Variants in ANKS1B observed in about 807,000 individuals in gnomAD.
ANKS1B encodes ankyrin repeat and sterile alpha motif domain-containing protein 1B.
In ANKS1B, 36 loss-of-function variants were observed where a neutral mutation model predicts 148.3. The ratio of observed to expected loss-of-function variants is 0.24; its 90% CI spans 0.19 to 0.32. ANKS1B has a LOEUF of 0.32. Ranked by LOEUF, ANKS1B falls within the 10% of genes least tolerant of loss-of-function variation. The pLI, the probability that ANKS1B is intolerant of heterozygous loss-of-function variation, is 1.00. For missense variants in ANKS1B, 1,157 were observed against 1,542.6 expected (o/e 0.75, Z 4.19); for synonymous variants, 542 against 560.8 (o/e 0.97, Z 0.47).
intron 12 of ANKS1B, among the ~76,000 whole-genome samples, chr12:99,354,526 AACAG>A (rs1340019486): frequency 6.6e-6 from 1 of 152,072 alleles, no homozygotes; most frequent in Non-Finnish European, 1.5e-5. Flanking sequence ...TCTCACATAT[AACAG>A]ACACTCACTA....
chr12:99,782,229 A>T, intron 4 of ANKS1B, 132 bp from the exon 5 acceptor site: 1 of 723,282 alleles, frequency 1.4e-6, no homozygotes, highest in South Asian at 1.9e-5. Context: ...CAGAAAGGTC[A>T]TGTGGAATAA....
chr12:99,100,441 G>A (rs901983384), intron 15 of ANKS1B, among the ~76,000 whole-genome samples: 2 of 152,324 alleles, frequency 1.3e-5, no homozygotes, highest in Admixed American at 1.3e-4. Context: ...GAATTCAAAA[G>A]TGATTGAGGC....
Position 99,159,953 on chromosome 12 carries a change from G to C in ANKS1B, c.2420-5558C>G, listed in dbSNP as rs1344078522. On this transcript the variant is annotated intron_variant, in intron 14 of 26. Transcript: ENST00000683438. ...AGAAATGGTATCTCATTGTGGTTTT[G>C]ATTTGCACTTCTCCGATGATCAGTG... 3.3e-5 allele frequency among the ~76,000 whole-genome samples: 5 copies of C among 152,168 alleles called. No homozygotes were observed. The South Asian group carries it at 1.0e-3, about 32-fold the overall frequency.
intron 1 of ANKS1B, among the ~76,000 whole-genome samples, chr12:99,846,155 TAC>T (rs1358988900): frequency 6.6e-6 from 1 of 152,144 alleles, no homozygotes; most frequent in Non-Finnish European, 1.5e-5. Context: ...GGCCTATAGC[TAC>T]AGTTTGCTTT....
intron 9 of ANKS1B, among the ~76,000 whole-genome samples, chr12:99,507,762 G>A (rs527407136): frequency 5.6e-4 from 85 of 151,888 alleles, no homozygotes; most frequent in African/African-American, 2.0e-3. Context: ...TGTCAAGAAA[G>A]AGAGATAGTT....
At chr12:99,219,111 G>C (rs1215478181) in intron 14 of ANKS1B, among the ~76,000 whole-genome samples, 1 of 152,160 alleles carries the variant, frequency 6.6e-6, no homozygotes, top group African/African-American at 2.4e-5. Context: ...TTCCAGTCTA[G>C]ATGAGTCACC....
intron 15 of ANKS1B, among the ~76,000 whole-genome samples, chr12:99,094,740 C>G (rs78329302): frequency 0.014 from 2,194 of 152,132 alleles, 25 homozygotes; most frequent in South Asian, 0.03. Flanking sequence ...CTGAGGGGGA[C>G]GAAGACCTGG....
chr12:99,087,758 C>T (rs7314469), intron 15 of ANKS1B, among the ~76,000 whole-genome samples: 87,171 of 152,022 alleles, frequency 0.57, 25,681 homozygotes, highest in East Asian at 0.75. Context: ...AATAGAGGAC[C>T]TGGTTTTTTT....
intron 12 of ANKS1B, among the ~76,000 whole-genome samples, chr12:99,311,592 C>A (rs537432919): frequency 6.6e-6 from 1 of 152,124 alleles, no homozygotes; most frequent in South Asian, 2.1e-4. Context: ...CCAGAGGGAA[C>A]CTAGGTAGGT....
chr12:99,310,242 G>A (rs1178747221), intron 12 of ANKS1B, among the ~76,000 whole-genome samples: 2 of 151,996 alleles, frequency 1.3e-5, no homozygotes, highest in East Asian at 3.9e-4. Flanking sequence ...TTCATTACTG[G>A]GATATCACAT....
chr12:99,716,285 ACACCCCGACCTCTTATCTCTG>A (rs540969418), intron 8 of ANKS1B, among the ~76,000 whole-genome samples: 1,799 of 148,518 alleles, frequency 0.012, 45 homozygotes, highest in African/African-American at 0.043. Context: ...CCTTATTTCC[ACACCCCGACCTCTTATCTCTG>A]CACCCCAACC....
Position 99,626,435 on chromosome 12 carries a change from C to T in ANKS1B, c.1272+28632G>A, listed in dbSNP as rs538938331. Among the ~76,000 whole-genome samples, 9 of 152,244 alleles carry T rather than the reference C, an allele frequency of 5.9e-5. No individual in the cohort carries two copies. The South Asian group carries it at 8.3e-4, about 14-fold the overall frequency. On this transcript the variant is annotated intron_variant, in intron 9 of 26. Transcript: ENST00000683438. ...CATCATCACTACATGTTTGAAAAAT[C>T]GATATATCACTTGCAACCAAGGATT...
chr12:99,168,598 T>C (rs900363169), intron 14 of ANKS1B, among the ~76,000 whole-genome samples: 1 of 152,222 alleles, frequency 6.6e-6, no homozygotes, highest in South Asian at 2.1e-4. Flanking sequence ...CAACTTATTT[T>C]AGACAGAATA....
chr12:99,658,250 C>T (rs1205690852), intron 8 of ANKS1B, among the ~76,000 whole-genome samples: 1 of 152,084 alleles, frequency 6.6e-6, no homozygotes, highest in Admixed American at 6.6e-5. Context: ...CAGATAAGAC[C>T]ATTGTCAGCC....
chr12:99,253,169 G>A (rs2074840985), intron 12 of ANKS1B, among the ~76,000 whole-genome samples: 1 of 152,002 alleles, frequency 6.6e-6, no homozygotes, highest in African/African-American at 2.4e-5. Flanking sequence ...CAAGTCTGCG[G>A]TGAGCTTTGA....
chr12:99,597,489 G>A (rs369377900), intron 9 of ANKS1B, among the ~76,000 whole-genome samples: 2 of 152,020 alleles, frequency 1.3e-5, no homozygotes, highest in South Asian at 2.1e-4. Context: ...CATGTAAGAC[G>A]TTCTCTCAAC....
chr12:99,956,249 G>C (rs1010270306), intron 1 of ANKS1B, among the ~76,000 whole-genome samples: 1 of 147,966 alleles, frequency 6.8e-6, no homozygotes, highest in African/African-American at 2.5e-5. Flanking sequence ...TTGCACTCCA[G>C]CCTGAGTGAC....
intron 1 of ANKS1B, among the ~76,000 whole-genome samples, chr12:99,942,890 T>C (rs2094955351): frequency 6.6e-6 from 1 of 152,158 alleles, no homozygotes; most frequent in Admixed American, 6.5e-5. Flanking sequence ...TTAATTCCAC[T>C]GCTACCAATG....
At chr12:99,889,575 T>C (rs976924842) in intron 1 of ANKS1B, among the ~76,000 whole-genome samples, 1 of 152,168 alleles carries the variant, frequency 6.6e-6, no homozygotes, top group African/African-American at 2.4e-5. Flanking sequence ...TCTATGAACA[T>C]TTTAAAAACT....
Sources: gnomAD v4.1 joint callset for allele counts (sites outside exome capture counted in the v4.1 genomes callset) on GRCh38, gnomAD v4.1.1 for gene constraint, MANE v1.5 for transcripts, NCBI Gene and HGNC (gene_info 2026-07-23, HGNC 2026-07-21) for gene names.